The following KDM4C variants were observed in gnomAD, a reference collection of about 807,000 sequenced individuals.
KDM4C encodes lysine demethylase 4C.
In KDM4C, 81 loss-of-function variants were observed where a neutral mutation model predicts 129.3. The ratio of observed to expected loss-of-function variants is 0.63; its 90% confidence interval spans 0.52 to 0.75. The LOEUF is 0.75. Among genes scored for constraint, KDM4C ranks in the 30% least tolerant of loss-of-function variants. KDM4C has a pLI of 0.00. For missense variants in KDM4C, 1,457 were observed against 1,304.0 expected, an observed-to-expected ratio of 1.12 and a Z score of -1.81; for synonymous variants, 573 against 456.1, an observed-to-expected ratio of 1.26 and a Z score of -3.26.
At chr9:6,772,126 A>G (rs1821965175) in intron 1 of KDM4C, among the ~76,000 whole-genome samples, 1 of 152,200 alleles carries the variant, frequency 6.6e-6, no homozygotes, top group Non-Finnish European at 1.5e-5. Context: ...AGGTTTCTAA[A>G]TTAATATTCG....
chr9:6,752,905 C>G (rs140805819), upstream of KDM4C, among the ~76,000 whole-genome samples: 121 of 152,202 alleles, frequency 7.9e-4, 1 homozygote, highest in East Asian at 0.016. Context: ...CATTTTATCC[C>G]TCAGTGATGA....
intron 6 of KDM4C, among the ~76,000 whole-genome samples, chr9:6,884,551 A>G (rs1844967345): frequency 6.6e-6 from 1 of 152,258 alleles, no homozygotes; most frequent in African/African-American, 2.4e-5. Flanking sequence ...ATCAAAGCAT[A>G]CTTGGGCAAA....
chr9:6,967,994 CTGAA>C (rs1185938253), intron 8 of KDM4C, among the ~76,000 whole-genome samples: 2 of 152,168 alleles, frequency 1.3e-5, no homozygotes, highest in African/African-American at 4.8e-5. Context: ...TCTATAATGA[CTGAA>C]TGAGAAAATG....
At chr9:6,834,760 C>T in intron 4 of KDM4C, 1 of 1,128,494 alleles carries the variant, frequency 8.9e-7, no homozygotes, top group South Asian at 1.2e-5. Context: ...AGGAGCATCC[C>T]ATGCTGCTGA....
chr9:7,008,380 C>T (rs534982452), intron 12 of KDM4C, among the ~76,000 whole-genome samples: 13 of 152,300 alleles, frequency 8.5e-5, no homozygotes, highest in Non-Finnish European at 7.4e-5. Flanking sequence ...CCAGCACCCA[C>T]GGAGCCAGCC....
intron 5 of KDM4C, among the ~76,000 whole-genome samples, chr9:6,851,450 A>G (rs576773893): frequency 3.0e-4 from 45 of 152,322 alleles, no homozygotes; most frequent in Non-Finnish European, 5.9e-4. Context: ...GCTCCTGGAC[A>G]GTTTCTCAGC....
chr9:7,051,862 C>A (rs1434257753), intron 17 of KDM4C, among the ~76,000 whole-genome samples: 1 of 152,148 alleles, frequency 6.6e-6, no homozygotes, highest in South Asian at 2.1e-4. Flanking sequence ...AGTTTTTGTT[C>A]TGTCAACCTT....
chr9:6,860,631 A>C (rs1840750335), intron 5 of KDM4C, among the ~76,000 whole-genome samples: 1 of 152,192 alleles, frequency 6.6e-6, no homozygotes, highest in Admixed American at 6.5e-5. Context: ...AACAAACAAA[A>C]AAAGATTTGC....
At chr9:6,941,164 A>G (rs1825868713) in intron 8 of KDM4C, among the ~76,000 whole-genome samples, 1 of 151,776 alleles carries the variant, frequency 6.6e-6, no homozygotes, top group Admixed American at 6.6e-5. Flanking sequence ...CCAAGCCACC[A>G]TGCCCAGCTA....
chr9:6,771,673 C>T (rs1442462374), intron 1 of KDM4C, among the ~76,000 whole-genome samples: 1 of 152,220 alleles, frequency 6.6e-6, no homozygotes, highest in East Asian at 1.9e-4. Flanking sequence ...TCTCCATGGC[C>T]TCCCATGAGT....
At position 7,036,290 on chromosome 9, in the gene KDM4C, G is replaced by A. The variant is rs533686673; in HGVS notation, c.2260-10572G>A. ...CATGCTGGGAAGAAAGAATAAGCCA[G>A]CTGGGTTTTTATTTGAAAACCAAAT... On this transcript the variant is annotated intron_variant, in intron 15 of 21. Transcript: ENST00000381309. Among the ~76,000 whole-genome samples, 11 of 152,270 alleles carry A rather than the reference G, an allele frequency of 7.2e-5. No homozygotes were observed. In the South Asian group the frequency reaches 2.3e-3, roughly 32 times the overall value.
At chr9:7,034,223 C>A (rs1216026190) in intron 15 of KDM4C, among the ~76,000 whole-genome samples, 1 of 152,098 alleles carries the variant, frequency 6.6e-6, no homozygotes. Flanking sequence ...ACATGCAATA[C>A]CTCCTCTAGC....
At chr9:7,173,040 C>T (rs1022199403) in intron 21 of KDM4C, among the ~76,000 whole-genome samples, 1 of 152,254 alleles carries the variant, frequency 6.6e-6, no homozygotes, top group African/African-American at 2.4e-5. Flanking sequence ...TACTGAACAG[C>T]AGCCAAATAC....
intron 17 of KDM4C, among the ~76,000 whole-genome samples, chr9:7,092,775 C>G (rs1237645614): frequency 2.0e-5 from 3 of 152,036 alleles, no homozygotes; most frequent in Non-Finnish European, 4.4e-5. Flanking sequence ...TGCCAGTGAG[C>G]CAGAACATAA....
chr9:6,833,648 A>C (rs1014112966), intron 4 of KDM4C, among the ~76,000 whole-genome samples: 2 of 152,198 alleles, frequency 1.3e-5, no homozygotes, highest in East Asian at 1.9e-4. Flanking sequence ...GGCAGGACAA[A>C]ATGAGGTGAC....
At chr9:6,806,841 C>T (rs1487576259) in intron 3 of KDM4C, among the ~76,000 whole-genome samples, 1 of 152,048 alleles carries the variant, frequency 6.6e-6, no homozygotes, top group South Asian at 2.1e-4. Context: ...TGCCCTGTTT[C>T]AGAAGTGACA....
At chr9:7,047,387 A>G (rs537869424) in intron 16 of KDM4C, among the ~76,000 whole-genome samples, 1 of 152,052 alleles carries the variant, frequency 6.6e-6, no homozygotes, top group South Asian at 2.1e-4. Context: ...AAATTAGAAA[A>G]GATAGGGAGA....
chr9:7,007,978 A>T (rs1358573129), intron 12 of KDM4C, among the ~76,000 whole-genome samples: 2 of 152,186 alleles, frequency 1.3e-5, no homozygotes, highest in African/African-American at 4.8e-5. Context: ...ACAACTATCA[A>T]TGCTCAAAAA....
intron 17 of KDM4C, among the ~76,000 whole-genome samples, chr9:7,082,259 G>A (rs894882076): frequency 2.0e-5 from 3 of 152,136 alleles, no homozygotes; most frequent in African/African-American, 7.2e-5. Flanking sequence ...CACCAGAATG[G>A]TACAGAGAGA....
Sources: gnomAD v4.1 joint callset for allele counts (sites outside exome capture counted in the v4.1 genomes callset) on GRCh38, gnomAD v4.1.1 for gene constraint, MANE v1.5 for transcripts, NCBI Gene and HGNC (gene_info 2026-07-23, HGNC 2026-07-21) for gene names.